The following ZMYM4 variants were observed in gnomAD, a reference collection of about 807,000 sequenced individuals.
ZMYM4 encodes the protein zinc finger MYM-type containing 4.
ZMYM4 carries 31 observed loss-of-function variants against 183.2 expected under a neutral mutation model. The ratio of observed to expected loss-of-function variants is 0.17; its 90% CI spans 0.13 to 0.23. The LOEUF (loss-of-function observed/expected upper bound fraction) is 0.23. Ranked by LOEUF, ZMYM4 falls within the 10% of genes least tolerant of loss-of-function variation. The pLI is 1.00. For synonymous variants in ZMYM4, 592 were observed against 631.2 expected (o/e 0.94, Z 0.93); for missense variants, 1,273 against 1,840.3 (o/e 0.69, Z 5.64).
intron 1 of ZMYM4, among the ~76,000 whole-genome samples, chr1:35,275,235 TTTC>T (rs1639811162): frequency 6.6e-6 from 1 of 152,114 alleles, no homozygotes; most frequent in Non-Finnish European, 1.5e-5. Context: ...ATGGAAAGAT[TTTC>T]TTTTTTCTTT....
At chr1:35,310,169 C>G (rs1401842088) in intron 1 of ZMYM4, 1 of 154,410 alleles carries the variant, frequency 6.5e-6, no homozygotes, top group Non-Finnish European at 1.4e-5. Flanking sequence ...TTCCTGACTT[C>G]AAGTGATCTA....
At chr1:35,329,197 C>G (rs926899471) in intron 2 of ZMYM4, among the ~76,000 whole-genome samples, 6 of 152,168 alleles carry the variant, frequency 3.9e-5, no homozygotes, top group Non-Finnish European at 7.3e-5. Flanking sequence ...ACAATATCTT[C>G]AGTGAAAGGG....
intron 2 of ZMYM4, among the ~76,000 whole-genome samples, chr1:35,335,809 C>T (rs992195263): frequency 6.6e-6 from 1 of 151,916 alleles, no homozygotes; most frequent in African/African-American, 2.4e-5. Flanking sequence ...AAAAATTAGC[C>T]GGACGTGATG....
At chr1:35,387,628 C>T in intron 13 of ZMYM4, 24 bp downstream of exon 13, 5 of 1,586,690 alleles carry the variant, frequency 3.2e-6, no homozygotes, top group Non-Finnish European at 4.3e-6. Context: ...ATTATCTTAC[C>T]TACTGAGCAT....
intron 5 of ZMYM4, among the ~76,000 whole-genome samples, chr1:35,364,634 C>A (rs1483931413): frequency 6.6e-6 from 1 of 152,136 alleles, no homozygotes; most frequent in Non-Finnish European, 1.5e-5. Context: ...TCATAAAATA[C>A]TGATAGATTT....
rs769482678 is a variant in ZMYM4 at position 35,269,028 on chromosome 1, G to T, written c.-19G>T. 2.1e-5 allele frequency: 33 copies of T among 1,540,058 alleles called. 1 individual carries two copies. The highest frequency in any genetic ancestry group is 1.3e-5 in the Non-Finnish European group (15 of 1,143,118). ...CGCCACCGCGCGGGGAGCCGCAGCG[G>T]TTCCGAGCGGGGCCCAACATGGCGG... On this transcript the variant is annotated 5_prime_UTR_variant, in exon 1 of 30. Transcript: ENST00000314607.
At chr1:35,383,996 T>G (rs1474202154) in intron 9 of ZMYM4, among the ~76,000 whole-genome samples, 1 of 152,186 alleles carries the variant, frequency 6.6e-6, no homozygotes, top group African/African-American at 2.4e-5. Flanking sequence ...ACTGAGGCAT[T>G]GTAGATGGTC....
At chr1:35,371,105 GTGCGCA>G (rs1299658204) in intron 7 of ZMYM4, among the ~76,000 whole-genome samples, 1 of 82,730 alleles carries the variant, frequency 1.2e-5, no homozygotes, top group Non-Finnish European at 2.2e-5. Context: ...GTGTGTGTGT[GTGCGCA>G]CATTTATTTA....
At chr1:35,346,168 C>CTAAA (rs1016175841) in intron 2 of ZMYM4, among the ~76,000 whole-genome samples, 1 of 152,102 alleles carries the variant, frequency 6.6e-6, no homozygotes, top group Non-Finnish European at 1.5e-5. Flanking sequence ...CACATTTTAT[C>CTAAA]TGTTTATCTA....
At chr1:35,282,510 A>G (rs750996997) in intron 1 of ZMYM4, among the ~76,000 whole-genome samples, 6 of 152,214 alleles carry the variant, frequency 3.9e-5, no homozygotes, top group Non-Finnish European at 5.9e-5. Flanking sequence ...ATGTACCTAG[A>G]AATGGATTTG....
intron 9 of ZMYM4, among the ~76,000 whole-genome samples, chr1:35,384,266 CT>C (rs1644525406): frequency 6.6e-6 from 1 of 152,106 alleles, no homozygotes; most frequent in Non-Finnish European, 1.5e-5. Flanking sequence ...ATGAGGTTTG[CT>C]TTTACAGTCC....
intron 2 of ZMYM4, among the ~76,000 whole-genome samples, chr1:35,340,770 C>T (rs985764083): frequency 6.6e-6 from 1 of 152,180 alleles, no homozygotes; most frequent in African/African-American, 2.4e-5. Flanking sequence ...TTGTGGGATG[C>T]TGACCTCCTG....
At chr1:35,361,361 T>C in intron 4 of ZMYM4, 106 bp downstream of exon 4, 1 of 1,174,884 alleles carries the variant, frequency 8.5e-7, no homozygotes, top group Non-Finnish European at 1.2e-6. Context: ...AGCACTGATT[T>C]TTTTTTTTTA....
At chr1:35,286,896 A>T (rs900818212) in intron 1 of ZMYM4, among the ~76,000 whole-genome samples, 1 of 135,434 alleles carries the variant, frequency 7.4e-6, no homozygotes, top group Non-Finnish European at 1.5e-5. Flanking sequence ...CCCAAAGATT[A>T]TAGGTGTGAA....
rs564392913 is a variant in ZMYM4 at position 35,323,540 on chromosome 1, G to GT, written c.40-1813dup. The stretch of plus-strand genomic sequence containing the variant: ...CATTTTTCTTCGTTTTTTGTTTTTT[G>GT]TTTTTTTGGTGTTTTTTTTTTGAGA... On this transcript the variant is annotated intron_variant, in intron 1 of 29. Coordinates refer to ENST00000314607, the MANE Select transcript of ZMYM4 (RefSeq NM_005095.3). Among the ~76,000 whole-genome samples the GT allele has an allele frequency of 3.5e-3, 523 of 150,294 alleles. 2 individuals carry two copies. Among genetic ancestry groups the GT allele is most frequent in the Non-Finnish European group, 4.9e-3 (329 of 67,368 alleles).
chr1:35,328,668 G>A (rs1642609633), intron 2 of ZMYM4, among the ~76,000 whole-genome samples: 1 of 151,816 alleles, frequency 6.6e-6, no homozygotes, highest in African/African-American at 2.4e-5. Context: ...CCCCTTTTCT[G>A]GTAGTTTAAA....
intron 1 of ZMYM4, among the ~76,000 whole-genome samples, chr1:35,313,390 CTTTTTT>C (rs36112055): frequency 7.6e-6 from 1 of 131,582 alleles, no homozygotes; most frequent in Non-Finnish European, 1.6e-5. Context: ...TTTTCTTTTT[CTTTTTT>C]TTTTTTTTTT....
rs1239362364 is a variant in ZMYM4 at position 35,397,307 on chromosome 1, C to T, written c.3031-70C>T. 2.9e-6 allele frequency: 4 copies of T among 1,400,556 alleles called. No homozygotes were observed. The African/African-American group carries it at 5.8e-5, about 20-fold the overall frequency. The allele number at this position is 1,400,556 out of a possible 1,614,324, so 86.8% of individuals were successfully genotyped here. A position where few individuals can be genotyped will look rare whatever the true frequency, so the allele number is the denominator to read the frequency against. ...TTTACTATTTTAATACCTAAATCAT[C>T]TCACAAATCATACTTTTGGCTACAA... On this transcript the variant is annotated intron_variant, in intron 19 of 29. Coordinates refer to ENST00000314607, the MANE Select transcript of ZMYM4 (RefSeq NM_005095.3).
chr1:35,293,960 C>G (rs550607778), intron 1 of ZMYM4, among the ~76,000 whole-genome samples: 6 of 151,994 alleles, frequency 3.9e-5, no homozygotes, highest in Non-Finnish European at 8.8e-5. Context: ...ACAGTGAAAC[C>G]CCATCTCTAC....
Sources: allele counts gnomAD v4.1 joint callset (sites outside exome capture counted in the v4.1 genomes callset), GRCh38; gene constraint gnomAD v4.1.1; transcripts MANE v1.5; gene names NCBI Gene and HGNC (gene_info 2026-07-23, HGNC 2026-07-21).